MFHAS1: variants seen among roughly 807,000 people sequenced by gnomAD.
MFHAS1 encodes malignant fibrous histiocytoma-amplified sequence 1.
Under a neutral mutation model 70.4 loss-of-function variants are expected in MFHAS1, and 50 were observed. That is an observed-to-expected ratio of 0.71 (90% CI 0.57 to 0.90). The LOEUF is 0.90. Among genes scored for constraint, MFHAS1 ranks in the 40% least tolerant of loss-of-function variants. The probability of loss-of-function intolerance (pLI) is 0.00; values close to 1 mark genes in which losing one functional copy is unlikely to be tolerated. For synonymous variants in MFHAS1, 952 were observed against 620.0 expected, an observed-to-expected ratio of 1.54 and a Z score of -7.96; for missense variants, 1,795 against 1,347.6, an observed-to-expected ratio of 1.33 and a Z score of -5.20.
At chr8:8,882,707 G>A (rs1162682784) in intron 1 of MFHAS1, among the ~76,000 whole-genome samples, 1 of 152,230 alleles carries the variant, frequency 6.6e-6, no homozygotes, top group Non-Finnish European at 1.5e-5. Flanking sequence ...CCCTGTGCCA[G>A]GCATTGCACA....
chr8:8,879,527 A>G (rs562432926), intron 1 of MFHAS1, among the ~76,000 whole-genome samples: 21 of 152,326 alleles, frequency 1.4e-4, no homozygotes, highest in African/African-American at 4.6e-4. Flanking sequence ...AGTCAACTCA[A>G]AAGAAGGACT....
intron 1 of MFHAS1, among the ~76,000 whole-genome samples, chr8:8,837,242 CAAAATAG>C (rs1807630831): frequency 1.3e-5 from 2 of 152,104 alleles, no homozygotes; most frequent in African/African-American, 2.4e-5. Flanking sequence ...AGCAGAAGAA[CAAAATAG>C]TTATCCTTGC....
At chr8:8,874,282 T>A (rs554101148) in intron 1 of MFHAS1, among the ~76,000 whole-genome samples, 1 of 151,714 alleles carries the variant, frequency 6.6e-6, no homozygotes, top group Admixed American at 6.6e-5. Flanking sequence ...GAACAATACA[T>A]CCATTGGTAG....
chr8:8,845,433 G>A (rs770325113), intron 1 of MFHAS1, among the ~76,000 whole-genome samples: 18 of 152,142 alleles, frequency 1.2e-4, no homozygotes, highest in South Asian at 2.1e-4. Flanking sequence ...CTGGGTGCAC[G>A]CTTATCTAGC....
At chr8:8,856,133 C>G (rs896168979) in intron 1 of MFHAS1, among the ~76,000 whole-genome samples, 1 of 152,212 alleles carries the variant, frequency 6.6e-6, no homozygotes, top group Non-Finnish European at 1.5e-5. Flanking sequence ...ATGAACTCCT[C>G]ACATGCACAG....
At chr8:8,855,065 C>G (rs1406814610) in intron 1 of MFHAS1, among the ~76,000 whole-genome samples, 1 of 152,080 alleles carries the variant, frequency 6.6e-6, no homozygotes, top group East Asian at 1.9e-4. Context: ...GTGGTCCTCC[C>G]TCAGTATATA....
At chr8:8,808,403 T>C (rs753191535) in intron 1 of MFHAS1, among the ~76,000 whole-genome samples, 8 of 152,258 alleles carry the variant, frequency 5.3e-5, no homozygotes, top group Non-Finnish European at 1.0e-4. Context: ...TCAGATCCAC[T>C]GTCAAAGTGT....
intron 1 of MFHAS1, among the ~76,000 whole-genome samples, chr8:8,852,080 A>G (rs1002494403): frequency 6.6e-6 from 1 of 152,176 alleles, no homozygotes; most frequent in South Asian, 2.1e-4. Flanking sequence ...ACCCCTCTCC[A>G]GCACCATGGG....
intron 1 of MFHAS1, among the ~76,000 whole-genome samples, chr8:8,833,255 G>A (rs2117328671): frequency 6.6e-6 from 1 of 152,310 alleles, no homozygotes; most frequent in East Asian, 1.9e-4. Flanking sequence ...TTCAACATGA[G>A]ATTTGTGTGG....
At chr8:8,838,489 C>T (rs559910985) in intron 1 of MFHAS1, among the ~76,000 whole-genome samples, 2 of 152,186 alleles carry the variant, frequency 1.3e-5, no homozygotes, top group Non-Finnish European at 2.9e-5. Flanking sequence ...TCCCCCTATA[C>T]CCCACACCTT....
At chr8:8,880,796 T>C (rs1308650693) in intron 1 of MFHAS1, among the ~76,000 whole-genome samples, 3 of 151,994 alleles carry the variant, frequency 2.0e-5, no homozygotes, top group Non-Finnish European at 4.4e-5. Context: ...GTGATTCTCC[T>C]GCCTCAGCCT....
At chr8:8,805,674 T>C (rs1409747383) in intron 1 of MFHAS1, among the ~76,000 whole-genome samples, 1 of 152,062 alleles carries the variant, frequency 6.6e-6, no homozygotes, top group Non-Finnish European at 1.5e-5. Context: ...CATGACAACC[T>C]TTTGTTTGGA....
At chr8:8,810,015 T>A (rs1358853977) in intron 1 of MFHAS1, among the ~76,000 whole-genome samples, 1 of 152,178 alleles carries the variant, frequency 6.6e-6, no homozygotes, top group African/African-American at 2.4e-5. Context: ...CCAAGGACCT[T>A]ATCAAAATCT....
chr8:8,788,115 C>A (rs1335685189), intron 2 of MFHAS1, among the ~76,000 whole-genome samples: 1 of 152,180 alleles, frequency 6.6e-6, no homozygotes, highest in Non-Finnish European at 1.5e-5. Context: ...CCTATCATGG[C>A]AGGTACCATG....
At chr8:8,809,739 C>T (rs1158056073) in intron 1 of MFHAS1, among the ~76,000 whole-genome samples, 1 of 152,154 alleles carries the variant, frequency 6.6e-6, no homozygotes, top group Non-Finnish European at 1.5e-5. Flanking sequence ...GAGCAGAGCA[C>T]AAACCTAGCT....
chr8:8,844,530 A>C lies in MFHAS1; in HGVS notation c.2998+45531T>G, dbSNP rs543428623. ...GCTTCTTATCTGAAAAGATCTAAAAATGACACAACTGGCGTGCTCTAATTC... is the reference window on the plus strand; with the variant it reads ...GCTTCTTATCTGAAAAGATCTAAAACTGACACAACTGGCGTGCTCTAATTC... On this transcript the variant is annotated intron_variant, in intron 1 of 2. Transcript: ENST00000276282. 2.6e-5 allele frequency among the ~76,000 whole-genome samples: 4 copies of C among 152,300 alleles called. No individual in the cohort carries two copies. The East Asian group carries it at 7.7e-4, about 29-fold the overall frequency.
chr8:8,828,644 C>G (rs1563192862), intron 1 of MFHAS1, among the ~76,000 whole-genome samples: 2 of 152,222 alleles, frequency 1.3e-5, no homozygotes, highest in Non-Finnish European at 2.9e-5. Context: ...GCATTTAAAA[C>G]AATATCACAT....
At chr8:8,816,801 T>A (rs1806764359) in intron 1 of MFHAS1, among the ~76,000 whole-genome samples, 1 of 152,146 alleles carries the variant, frequency 6.6e-6, no homozygotes, top group Non-Finnish European at 1.5e-5. Context: ...AGCAATAACA[T>A]GGAAACACAC....
intron 1 of MFHAS1, among the ~76,000 whole-genome samples, chr8:8,840,029 C>A (rs1357038124): frequency 6.6e-6 from 1 of 152,152 alleles, no homozygotes; most frequent in Non-Finnish European, 1.5e-5. Context: ...CGTATATATA[C>A]ACATATATGT....
Sources: gnomAD v4.1 joint callset for allele counts (sites outside exome capture counted in the v4.1 genomes callset) on GRCh38, gnomAD v4.1.1 for gene constraint, MANE v1.5 for transcripts, NCBI Gene and HGNC (gene_info 2026-07-23, HGNC 2026-07-21) for gene names.